Variants in HECW2 observed in about 807,000 individuals in gnomAD.
HECW2 encodes E3 ubiquitin-protein ligase HECW2.
In HECW2, 61 loss-of-function variants were observed where a neutral mutation model predicts 175.2. That is an observed-to-expected ratio of 0.35 (90% CI 0.28 to 0.43). The LOEUF (loss-of-function observed/expected upper bound fraction) is 0.43, where lower values mean the gene tolerates loss of function less well. Ranked by LOEUF, HECW2 falls within the 20% of genes least tolerant of loss-of-function variation. HECW2 has a pLI of 1.00. For synonymous variants in HECW2, 671 were observed against 731.0 expected (o/e 0.92, Z 1.32); for missense variants, 1,524 against 2,000.5 (o/e 0.76, Z 4.54).
At chr2:196,444,400 C>G (rs763391653) in intron 1 of HECW2, among the ~76,000 whole-genome samples, 11 of 152,166 alleles carry the variant, frequency 7.2e-5, no homozygotes, top group Non-Finnish European at 1.0e-4. Context: ...CCATAAAACA[C>G]CAGAGGTCAT....
chr2:196,456,680 C>G (rs1283916732), intron 1 of HECW2, among the ~76,000 whole-genome samples: 1 of 152,148 alleles, frequency 6.6e-6, no homozygotes, highest in East Asian at 1.9e-4. Flanking sequence ...TCCAGATGGT[C>G]TTCTTTTTTA....
chr2:196,356,698 G>T (rs1238342018), intron 2 of HECW2, among the ~76,000 whole-genome samples: 1 of 152,190 alleles, frequency 6.6e-6, no homozygotes, highest in East Asian at 1.9e-4. Flanking sequence ...CACAATCAAA[G>T]AAGCTATTTT....
At chr2:196,401,344 C>G (rs1397273437) in intron 2 of HECW2, among the ~76,000 whole-genome samples, 3 of 152,106 alleles carry the variant, frequency 2.0e-5, no homozygotes, top group Admixed American at 6.5e-5. Context: ...GTAGAAGCAA[C>G]TATTTACAGA....
At chr2:196,244,479 G>A (rs1024075744) in intron 19 of HECW2, among the ~76,000 whole-genome samples, 5 of 152,232 alleles carry the variant, frequency 3.3e-5, no homozygotes, top group African/African-American at 9.6e-5. Context: ...GGGATCCAGC[G>A]GGCAGCTGCA....
chr2:196,263,313 G>C (rs1157003972), intron 17 of HECW2: 3 of 152,064 alleles, frequency 2.0e-5, no homozygotes, highest in Non-Finnish European at 4.4e-5. Context: ...ATCATTTGAG[G>C]ACAATGAACA....
chr2:196,585,660 T>A (rs1194432614), intron 1 of HECW2, among the ~76,000 whole-genome samples: 1 of 151,442 alleles, frequency 6.6e-6, no homozygotes, highest in Non-Finnish European at 1.5e-5. Context: ...ACTCAATGGC[T>A]TAAAGAAGGA....
intron 1 of HECW2, among the ~76,000 whole-genome samples, chr2:196,562,733 G>A (rs528706771): frequency 5.3e-5 from 8 of 152,168 alleles, no homozygotes; most frequent in Middle Eastern, 3.4e-3. Context: ...TTTTTTATTC[G>A]AATCACAAAT....
intron 17 of HECW2, among the ~76,000 whole-genome samples, chr2:196,266,885 T>C (rs765110692): frequency 2.6e-5 from 4 of 152,166 alleles, no homozygotes; most frequent in South Asian, 2.1e-4. Flanking sequence ...TGAAAGGAAA[T>C]AGAAGGTTCA....
chr2:196,494,362 G>A (rs996019939), intron 1 of HECW2, among the ~76,000 whole-genome samples: 2 of 152,182 alleles, frequency 1.3e-5, no homozygotes, highest in African/African-American at 4.8e-5. Context: ...GCATTGTGGA[G>A]GATGATACCG....
At chr2:196,488,872 C>T (rs971208918) in intron 1 of HECW2, among the ~76,000 whole-genome samples, 1 of 151,986 alleles carries the variant, frequency 6.6e-6, no homozygotes, top group Non-Finnish European at 1.5e-5. Flanking sequence ...GAGAAGAGCA[C>T]AAAACTCAGT....
chr2:196,505,338 A>G (rs1402356225), intron 1 of HECW2, among the ~76,000 whole-genome samples: 1 of 152,206 alleles, frequency 6.6e-6, no homozygotes, highest in African/African-American at 2.4e-5. Flanking sequence ...CAAGAGATCG[A>G]GACCATCCTG....
chr2:196,270,086 G>A (rs1445797937), intron 17 of HECW2, among the ~76,000 whole-genome samples: 1 of 152,220 alleles, frequency 6.6e-6, no homozygotes, highest in Non-Finnish European at 1.5e-5. Flanking sequence ...TGTGGGCCAG[G>A]ATGGTACCAC....
At chr2:196,483,094 TAA>T (rs370614949) in intron 1 of HECW2, among the ~76,000 whole-genome samples, 2,581 of 110,336 alleles carry the variant, frequency 0.023, 66 homozygotes, top group African/African-American at 0.074. Context: ...TTCATAGTTG[TAA>T]AAAAAAAAAA....
chr2:196,357,980 G>A (rs1902268), intron 2 of HECW2, among the ~76,000 whole-genome samples: 147,664 of 152,264 alleles, frequency 0.97, 71,753 homozygotes, highest in East Asian at 1. Flanking sequence ...TACACCAACA[G>A]AAGTACATTT....
chr2:196,302,826 G>C (rs1439578986), intron 13 of HECW2, among the ~76,000 whole-genome samples: 1 of 152,148 alleles, frequency 6.6e-6, no homozygotes, highest in East Asian at 1.9e-4. Flanking sequence ...GAGAGGACTG[G>C]GTTTTCTAGA....
At chr2:196,540,717 A>G (rs890830195) in intron 1 of HECW2, among the ~76,000 whole-genome samples, 3 of 152,198 alleles carry the variant, frequency 2.0e-5, no homozygotes, top group African/African-American at 7.2e-5. Flanking sequence ...GTTTATAAGC[A>G]TCAGCCACTG....
chr2:196,354,717 T>C (rs1693300953), intron 2 of HECW2, among the ~76,000 whole-genome samples: 1 of 152,208 alleles, frequency 6.6e-6, no homozygotes, highest in African/African-American at 2.4e-5. Context: ...TGGTAAGCAT[T>C]ATCAGGCGAA....
rs927175232 is a variant in HECW2 at position 196,528,213 on chromosome 2, A to C, written c.-36+65295T>G. On this transcript the variant is annotated intron_variant, in intron 1 of 28. Coordinates refer to ENST00000644978, the MANE Select transcript of HECW2 (RefSeq NM_001348768.2). ...AATAAACATGACCTATACTTTTAAAAATATCTCTTTAAATGATTCAATTAC... is the reference window on the plus strand; with the variant it reads ...AATAAACATGACCTATACTTTTAAACATATCTCTTTAAATGATTCAATTAC... 2.0e-5 allele frequency among the ~76,000 whole-genome samples: 3 copies of C among 152,206 alleles called. No homozygotes were observed. In the South Asian group the frequency reaches 6.2e-4, roughly 31 times the overall value.
intron 1 of HECW2, among the ~76,000 whole-genome samples, chr2:196,564,641 A>T (rs1434922093): frequency 6.6e-6 from 1 of 152,222 alleles, no homozygotes; most frequent in East Asian, 1.9e-4. Context: ...AAGTTTTTTT[A>T]AATTAAAAAT....
Sources: gnomAD v4.1 joint callset for allele counts (sites outside exome capture counted in the v4.1 genomes callset) on GRCh38, gnomAD v4.1.1 for gene constraint, MANE v1.5 for transcripts, NCBI Gene and HGNC (gene_info 2026-07-23, HGNC 2026-07-21) for gene names.